Variants in AVEN observed in about 807,000 individuals in gnomAD.
AVEN encodes cell death regulator Aven.
A neutral mutation model predicts 38.1 loss-of-function variants in AVEN; 41 were observed. The ratio of observed to expected loss-of-function variants is 1.08; its 90% CI spans 0.84 to 1.40. The LOEUF is 1.40. AVEN is among the 40% of genes most tolerant of loss of function. The pLI, the probability that AVEN is intolerant of heterozygous loss-of-function variation, is 0.00. For synonymous variants in AVEN, 206 were observed against 171.8 expected, an observed-to-expected ratio of 1.20 and a Z score of -1.56; for missense variants, 605 against 438.8, an observed-to-expected ratio of 1.38 and a Z score of -3.38.
At chr15:33,992,314 CG>C (rs1567453988) in intron 2 of AVEN, among the ~76,000 whole-genome samples, 5 of 151,368 alleles carry the variant, frequency 3.3e-5, no homozygotes, top group African/African-American at 2.4e-5. Flanking sequence ...GGCGTCAGCC[CG>C]GGGGGCGGAG....
chr15:33,956,393 A>C (rs949872716), intron 2 of AVEN, among the ~76,000 whole-genome samples: 6 of 152,216 alleles, frequency 3.9e-5, no homozygotes, highest in Non-Finnish European at 5.9e-5. Context: ...TGATAACTGA[A>C]AATATGTATT....
At chr15:33,997,933 A>G (rs943753691) in intron 2 of AVEN, among the ~76,000 whole-genome samples, 1 of 152,124 alleles carries the variant, frequency 6.6e-6, no homozygotes, top group African/African-American at 2.4e-5. Flanking sequence ...ATTGTCACCC[A>G]ACATCTATAC....
In AVEN at chr15:33,980,432, C is replaced by T. The variant is rs547087776; in HGVS notation, c.445+22600G>A. 1.1e-4 allele frequency among the ~76,000 whole-genome samples: 17 copies of T among 152,328 alleles called. 1 individual carries two copies. In the South Asian group the frequency reaches 2.7e-3, roughly 24 times the overall value. On this transcript the variant is annotated intron_variant, in intron 2 of 5. Coordinates refer to ENST00000306730, the MANE Select transcript of AVEN (RefSeq NM_020371.3). The stretch of plus-strand genomic sequence containing the variant: ...AAGGCTGTTATAGTACCGTCCCACA[C>T]ATGAACTCTCCAAACGTGCTGCCTC...
intron 1 of AVEN, among the ~76,000 whole-genome samples, chr15:34,025,772 T>TTGTGTGTG (rs566774077): frequency 1.3e-5 from 2 of 151,850 alleles, no homozygotes; most frequent in Admixed American, 6.6e-5. Flanking sequence ...GTGTGTGTGT[T>TTGTGTGTG]TGTGTGTGTG....
intron 2 of AVEN, among the ~76,000 whole-genome samples, chr15:33,882,771 G>A (rs1891544728): frequency 6.6e-6 from 1 of 152,096 alleles, no homozygotes; most frequent in South Asian, 2.1e-4. Flanking sequence ...TACTCAGGAG[G>A]CTGAGGTGGG....
At chr15:34,014,037 G>A (rs1035259543) in intron 1 of AVEN, among the ~76,000 whole-genome samples, 7 of 151,840 alleles carry the variant, frequency 4.6e-5, no homozygotes, top group East Asian at 3.9e-4. Flanking sequence ...AACAAAACCC[G>A]GGGAGATCAA....
intron 2 of AVEN, among the ~76,000 whole-genome samples, chr15:33,985,130 A>C (rs999546230): frequency 2.0e-5 from 3 of 151,964 alleles, no homozygotes; most frequent in African/African-American, 7.2e-5. Flanking sequence ...TTTGCCAATA[A>C]CTATGCAGGG....
At position 34,050,309 on chromosome 15, in the gene AVEN, C is replaced by T. The variant is rs904886149; in HGVS notation, n.1637+12613G>A. Reference sequence around the variant, plus strand: ...AGCAAATGCTGAGGGAATTTGTCACCATTGGGCCTGCCTTGCAAGAGCTCC... The same window carrying T: ...AGCAAATGCTGAGGGAATTTGTCACTATTGGGCCTGCCTTGCAAGAGCTCC... On this transcript the variant is annotated intron_variant and non_coding_transcript_variant, in intron 5 of 11. Coordinates refer to the AVEN transcript ENST00000675287. 2.0e-5 allele frequency among the ~76,000 whole-genome samples: 3 copies of T among 152,280 alleles called. No individual in the cohort carries two copies. The East Asian group carries it at 5.8e-4, about 29-fold the overall frequency.
intron 2 of AVEN, among the ~76,000 whole-genome samples, chr15:33,987,499 G>A (rs906378374): frequency 3.9e-5 from 6 of 152,080 alleles, no homozygotes; most frequent in African/African-American, 7.2e-5. Context: ...CTCAGATTAC[G>A]CTCCACTCTC....
chr15:34,049,606 T>C (rs893433152), intron 5 of AVEN, among the ~76,000 whole-genome samples: 1 of 152,140 alleles, frequency 6.6e-6, no homozygotes, highest in African/African-American at 2.4e-5. Flanking sequence ...TTGGAAAACA[T>C]ACTTCAGGAT....
At chr15:33,961,701 T>A (rs886844707) in intron 2 of AVEN, among the ~76,000 whole-genome samples, 4 of 148,964 alleles carry the variant, frequency 2.7e-5, no homozygotes, top group African/African-American at 9.9e-5. Flanking sequence ...TAGTCCCAGC[T>A]ACTCGGGAGG....
chr15:33,927,978 C>T (rs1245004462), intron 2 of AVEN, among the ~76,000 whole-genome samples: 2 of 152,172 alleles, frequency 1.3e-5, no homozygotes, highest in African/African-American at 2.4e-5. Flanking sequence ...GGCTGGAGAG[C>T]TTACTGTGTG....
chr15:33,879,463 T>C (rs1891392734), intron 2 of AVEN, among the ~76,000 whole-genome samples: 1 of 149,948 alleles, frequency 6.7e-6, no homozygotes, highest in South Asian at 2.2e-4. Context: ...AATGACGAGT[T>C]AATGGGTGCA....
chr15:33,986,097 T>C (rs1320873942), intron 2 of AVEN, among the ~76,000 whole-genome samples: 1 of 17,094 alleles, frequency 5.9e-5, no homozygotes, highest in Non-Finnish European at 3.9e-3. Context: ...TGTAAATTTT[T>C]TTTTTTGTTT....
downstream of AVEN, among the ~76,000 whole-genome samples, chr15:33,863,852 C>A (rs993827870): frequency 6.6e-6 from 1 of 152,088 alleles, no homozygotes; most frequent in Admixed American, 6.5e-5. Context: ...ATTTTGTTAA[C>A]AATAAAATGG....
rs1394772457 is a variant in AVEN, at chr15:33,871,051, A to C, written c.517-21T>G. 5 of 1,329,938 alleles carry C rather than the reference A, an allele frequency of 3.8e-6. No individual in the cohort carries two copies. In the African/African-American group the frequency reaches 6.1e-5, roughly 16 times the overall value. 82.4% of individuals were successfully genotyped at this position (1,329,938 alleles called of 1,614,324 possible). The stretch of plus-strand genomic sequence containing the variant: ...GAATTCTATATATATATATAAAAGA[A>C]AATAAAATATCAGGTGATGATTATG... On this transcript the variant is annotated intron_variant, in intron 3 of 5. Transcript: ENST00000306730.
At position 33,908,255 on chromosome 15, in the gene AVEN, T is replaced by C. The variant is rs1485177457; in HGVS notation, c.446-32260A>G. On this transcript the variant is annotated intron_variant, in intron 2 of 5. Transcript: ENST00000306730. ...TACCCATTACACATAACCAGGATTC[T>C]TTTACTTCGAAAGCTGAATTGCTAA... 1.3e-4 allele frequency among the ~76,000 whole-genome samples: 5 copies of C among 39,776 alleles called. 2 individuals carry two copies. The highest frequency in any genetic ancestry group is 1.7e-4 in the Non-Finnish European group (2 of 11,828). 26.1% of individuals were successfully genotyped at this position (39,776 alleles called of 152,430 possible). A position where few individuals can be genotyped will look rare whatever the true frequency, so the allele number is the denominator to read the frequency against.
chr15:33,933,524 C>CACACACACACAGAGAGAGAG (rs1893945145), intron 2 of AVEN, among the ~76,000 whole-genome samples: 4 of 46,648 alleles, frequency 8.6e-5, no homozygotes, highest in Non-Finnish European at 1.8e-4. Context: ...CACACACACA[C>CACACACACACAGAGAGAGAG]AGAGAGAGAG....
rs370326683 is a variant in AVEN, at chr15:34,052,420, C to T, written n.1637+10502G>A. ...AAATGGACAAAAGCTGGAAGCATTC[C>T]CCATGAAAACCAGCACAAGACAAGG... On this transcript the variant is annotated intron_variant and non_coding_transcript_variant, in intron 5 of 11. Transcript: ENST00000675287. Among the ~76,000 whole-genome samples, 7 of 152,248 alleles carry T rather than the reference C, an allele frequency of 4.6e-5. No homozygotes were observed. In the East Asian group the frequency reaches 1.2e-3, roughly 25 times the overall value.
Sources: gnomAD v4.1 joint callset for allele counts (sites outside exome capture counted in the v4.1 genomes callset) on GRCh38, gnomAD v4.1.1 for gene constraint, MANE v1.5 for transcripts, NCBI Gene and HGNC (gene_info 2026-07-23, HGNC 2026-07-21) for gene names.